NLRP11: variants seen among roughly 807,000 people sequenced by gnomAD.
NLRP11 encodes NACHT, LRR and PYD domains-containing protein 11.
Under a neutral mutation model 79.3 loss-of-function variants are expected in NLRP11, and 53 were observed. That is an observed-to-expected ratio of 0.67 (90% CI 0.54 to 0.84). The LOEUF (loss-of-function observed/expected upper bound fraction) is 0.84. Among genes scored for constraint, NLRP11 ranks in the 40% least tolerant of loss-of-function variants. The pLI, the probability that NLRP11 is intolerant of heterozygous loss-of-function variation, is 0.00. For missense variants in NLRP11, 1,264 were observed against 1,255.0 expected (o/e 1.01, Z -0.11); for synonymous variants, 518 against 462.6 (o/e 1.12, Z -1.54).
exon 6 of NLRP11, chr19:55,796,137 C>A: frequency 6.2e-7 from 1 of 1,614,100 alleles, no homozygotes; most frequent in Non-Finnish European, 8.5e-7. Context: ...TATGTTCATC[C>A]CGTCGCTCCT....
chr19:55,792,241 A>G (rs1978335886), intron 7 of NLRP11, 60 bp downstream of exon 7: 2 of 1,474,246 alleles, frequency 1.4e-6, no homozygotes, highest in African/African-American at 1.4e-5. Flanking sequence ...CACCAACCCC[A>G]CCACCCAAGC....
At chr19:55,815,262 C>T (rs1336571965) in intron 2 of NLRP11, among the ~76,000 whole-genome samples, 2 of 152,116 alleles carry the variant, frequency 1.3e-5, no homozygotes, top group East Asian at 3.9e-4. Flanking sequence ...GGCACGGTGG[C>T]TTATGCCTGT....
chr19:55,833,637 G>A (rs918900991), upstream of NLRP11, among the ~76,000 whole-genome samples: 1 of 151,362 alleles, frequency 6.6e-6, no homozygotes, highest in South Asian at 2.1e-4. Context: ...GTGTGGTGGC[G>A]GGCGCCTGTA....
At chr19:55,804,659 C>T (rs1163743582) in intron 4 of NLRP11, among the ~76,000 whole-genome samples, 1 of 152,100 alleles carries the variant, frequency 6.6e-6, no homozygotes, top group Non-Finnish European at 1.5e-5. Context: ...GGCTTAGTAG[C>T]TGGGCGTACA....
chr19:55,804,665 G>A (rs147353307), intron 4 of NLRP11, among the ~76,000 whole-genome samples: 30 of 152,180 alleles, frequency 2.0e-4, no homozygotes, highest in East Asian at 9.7e-4. Context: ...GTAGCTGGGC[G>A]TACAGTCTTA....
upstream of NLRP11, among the ~76,000 whole-genome samples, chr19:55,835,182 A>G (rs946518810): frequency 2.0e-5 from 3 of 152,210 alleles, no homozygotes; most frequent in Non-Finnish European, 4.4e-5. Flanking sequence ...TCACCATCGT[A>G]ACACTGAACT....
intron 1 of NLRP11, among the ~76,000 whole-genome samples, chr19:55,821,245 ACACAC>A (rs554043279): frequency 0.066 from 7,881 of 119,190 alleles, 252 homozygotes; most frequent in East Asian, 0.14. Context: ...ACACACACAC[ACACAC>A]CCCAAGCACT....
At chr19:55,796,634 G>GT (rs1404775443) in intron 5 of NLRP11, among the ~76,000 whole-genome samples, 15 of 151,460 alleles carry the variant, frequency 9.9e-5, no homozygotes, top group South Asian at 2.1e-4. Flanking sequence ...GACTTCTGAT[G>GT]TTTTTTCTGC....
rs1300732973 is a variant in NLRP11, at chr19:55,789,416, T to C, written c.2514-17A>G. On this transcript the variant is annotated splice_polypyrimidine_tract_variant and intron_variant, in intron 7 of 9. Coordinates refer to ENST00000589093, the Ensembl canonical transcript of NLRP11. ...CCAGACAGACTGCAAAACAGAAACA[T>C]GAGCTAGAGTCATGACCACCTGTCT... 3.1e-6 allele frequency: 5 copies of C among 1,603,520 alleles called. No homozygotes were observed. Among genetic ancestry groups the C allele is most frequent in the Non-Finnish European group, 2.6e-6 (3 of 1,175,430 alleles).
intron 5 of NLRP11, 112 bp downstream of exon 5, chr19:55,801,460 G>A: frequency 1.3e-6 from 1 of 760,578 alleles, no homozygotes. Flanking sequence ...ATTGAGGAAT[G>A]AGTGACATCA....
chr19:55,820,420 G>A (rs944434406), intron 1 of NLRP11, among the ~76,000 whole-genome samples: 1 of 152,184 alleles, frequency 6.6e-6, no homozygotes, highest in Non-Finnish European at 1.5e-5. Context: ...CCACCAGTCA[G>A]TGGCAGGGGA....
chr19:55,789,215 C>T lies in NLRP11; in HGVS notation c.2684+14G>A, dbSNP rs1437551086. 1.3e-6 allele frequency: 2 copies of T among 1,596,802 alleles called. No homozygotes were observed. Among genetic ancestry groups the T allele is most frequent in the Non-Finnish European group, 1.7e-6 (2 of 1,173,412 alleles). On this transcript the variant is annotated intron_variant, in intron 8 of 9. Coordinates refer to ENST00000589093, the Ensembl canonical transcript of NLRP11. ...CTAGCTAAAGGCAGGGATCTTTCTCCACCAGGCACCTACCCAATATTCACC... is the reference window on the plus strand; with the variant it reads ...CTAGCTAAAGGCAGGGATCTTTCTCTACCAGGCACCTACCCAATATTCACC...
At position 55,802,566 on chromosome 19, in the gene NLRP11, T is replaced by C. The variant is rs191638644; in HGVS notation, c.2004-827A>G. Among the ~76,000 whole-genome samples the C allele has an allele frequency of 1.0e-3, 156 of 152,274 alleles. 7 individuals are homozygous for C. Among genetic ancestry groups the C allele is most frequent in the Admixed American group, 9.6e-3 (147 of 15,282 alleles). On this transcript the variant is annotated intron_variant, in intron 4 of 9. Coordinates refer to ENST00000589093, the Ensembl canonical transcript of NLRP11. The stretch of plus-strand genomic sequence containing the variant: ...ATGCTCATGGAGAGAAGAATCAATA[T>C]TGTTAAAATGGCCATACTGCCCAAA...
exon 3 of NLRP11, chr19:55,810,175 G>C: frequency 6.2e-7 from 1 of 1,613,870 alleles, no homozygotes; most frequent in Non-Finnish European, 8.5e-7. Flanking sequence ...CATTGAGATT[G>C]TTTGCTGAAT....
chr19:55,817,665 C>T (rs1426162863), intron 2 of NLRP11, among the ~76,000 whole-genome samples: 3 of 152,012 alleles, frequency 2.0e-5, no homozygotes, highest in East Asian at 1.9e-4. Context: ...TACAGGGACT[C>T]GGCGGGAAGT....
upstream of NLRP11, among the ~76,000 whole-genome samples, chr19:55,834,625 A>G (rs971741276): frequency 6.6e-6 from 1 of 152,178 alleles, no homozygotes; most frequent in East Asian, 1.9e-4. Flanking sequence ...AGGTAATCCA[A>G]AAGTCCTGTG....
exon 5 of NLRP11, chr19:55,801,628 C>A (rs372160854): frequency 1.2e-6 from 2 of 1,614,106 alleles, no homozygotes; most frequent in Non-Finnish European, 1.7e-6. Context: ...GAAGTGAAAA[C>A]ATATTTAGGG....
At chr19:55,831,253 G>A (rs1428412312) in intron 1 of NLRP11, among the ~76,000 whole-genome samples, 8 of 151,122 alleles carry the variant, frequency 5.3e-5, no homozygotes, top group African/African-American at 1.5e-4. Flanking sequence ...CACAACTGAC[G>A]GGCATTAACA....
exon 10 of NLRP11, chr19:55,785,523 A>G: frequency 9.6e-7 from 1 of 1,036,302 alleles, no homozygotes. Context: ...ACACACACAC[A>G]CACACACACA....
Sources: allele counts gnomAD v4.1 joint callset (sites outside exome capture counted in the v4.1 genomes callset), GRCh38; gene constraint gnomAD v4.1.1; transcripts MANE v1.5; gene names NCBI Gene and HGNC (gene_info 2026-07-23, HGNC 2026-07-21).